Variants in XPR1 observed in about 807,000 individuals in gnomAD.
XPR1 encodes xenotropic and polytropic retrovirus receptor 1.
A neutral mutation model predicts 87.5 loss-of-function variants in XPR1; 28 were observed. The ratio of observed to expected loss-of-function variants is 0.32; its 90% CI spans 0.24 to 0.44. XPR1 has a LOEUF of 0.44. XPR1 is among the 20% of genes least tolerant of loss of function. The pLI, the probability that XPR1 is intolerant of heterozygous loss-of-function variation, is 1.00. For synonymous variants in XPR1, 300 were observed against 306.1 expected (o/e 0.98, Z 0.21); for missense variants, 559 against 862.3 (o/e 0.65, Z 4.41).
intron 2 of XPR1, among the ~76,000 whole-genome samples, chr1:180,777,627 C>A (rs1648773231): frequency 6.6e-6 from 1 of 152,098 alleles, no homozygotes; most frequent in African/African-American, 2.4e-5. Context: ...TCTTTGAAAT[C>A]TTTGCCATAT....
Position 180,806,525 on chromosome 1 carries a change from C to G in XPR1, c.649C>G (p.Arg217Gly), listed in dbSNP as rs779595941. The G allele has an allele frequency of 6.2e-7, 1 of 1,612,816 alleles. No individual in the cohort carries two copies. The highest frequency in any genetic ancestry group is 8.5e-7 in the Non-Finnish European group (1 of 1,179,198). ...EDGDRQKAMK[R>G]LRVPPLGAAQ... ...TGGTGACAGACAAAAGGCTATGAAGCGTTTACGTGTCCCCCCTTTGGGAGC... is the reference window on the plus strand; with the variant it reads ...TGGTGACAGACAAAAGGCTATGAAGGGTTTACGTGTCCCCCCTTTGGGAGC... The change falls in exon 6 of 15, where the codon CGT becomes GGT. Residue 217 changes from arginine (R) to glycine (G), a missense_variant. By Grantham distance (125) the Arg-to-Gly change is moderately radical. Around this residue, in one of 7 missense-constraint regions of XPR1, gnomAD observed 159 missense variants for 263.3 expected, o/e 0.60. Coordinates refer to ENST00000367590, the MANE Select transcript of XPR1 (RefSeq NM_004736.4).
intron 3 of XPR1, among the ~76,000 whole-genome samples, chr1:180,798,487 A>C (rs1342910075): frequency 1.3e-5 from 2 of 152,198 alleles, no homozygotes; most frequent in Non-Finnish European, 2.9e-5. Flanking sequence ...TTATTTTCCC[A>C]AGACCCGTTC....
At chr1:180,744,650 C>CTTTTTTTTTTTT (rs200044209) in intron 2 of XPR1, among the ~76,000 whole-genome samples, 3,420 of 56,210 alleles carry the variant, frequency 0.061, 225 homozygotes, top group Non-Finnish European at 0.082. Context: ...GGCACAATTT[C>CTTTTTTTTTTTT]TTTCTTTTTT....
intron 2 of XPR1, among the ~76,000 whole-genome samples, chr1:180,742,403 G>A (rs1389829424): frequency 2.0e-5 from 3 of 152,056 alleles, no homozygotes; most frequent in African/African-American, 7.2e-5. Context: ...ATATAGAAGT[G>A]TGTTGTTTAA....
intron 2 of XPR1, among the ~76,000 whole-genome samples, chr1:180,740,612 T>C (rs1307007031): frequency 6.6e-6 from 1 of 152,228 alleles, no homozygotes; most frequent in Non-Finnish European, 1.5e-5. Context: ...TATTGGTCTG[T>C]AGTTTCCTTT....
chr1:180,793,475 GT>G (rs1344958656), intron 3 of XPR1, among the ~76,000 whole-genome samples: 2 of 148,324 alleles, frequency 1.3e-5, no homozygotes, highest in East Asian at 1.9e-4. Flanking sequence ...TTAATGGCTG[GT>G]TTTGTTCTTT....
In XPR1 at chr1:180,665,366, G is replaced by A. The variant is rs187556743; in HGVS notation, c.70-16994G>A. 1.4e-3 allele frequency among the ~76,000 whole-genome samples: 207 copies of A among 152,250 alleles called. 3 individuals carry two copies. The highest frequency in any genetic ancestry group is 2.5e-4 in the Non-Finnish European group (17 of 68,020). On this transcript the variant is annotated intron_variant, in intron 1 of 14. Transcript: ENST00000367590. ...CAATTCAAGATGAGATTTTGGGTGGGGGACACAGCCAAACCATATTACCTC... is the reference window on the plus strand; with the variant it reads ...CAATTCAAGATGAGATTTTGGGTGGAGGACACAGCCAAACCATATTACCTC...
intron 1 of XPR1, among the ~76,000 whole-genome samples, chr1:180,664,710 G>C (rs1655900059): frequency 6.6e-6 from 1 of 152,178 alleles, no homozygotes; most frequent in Non-Finnish European, 1.5e-5. Context: ...ACAGCACAGG[G>C]TCCTGCCTAA....
rs1650364002 is a variant in XPR1, at chr1:180,815,207, T to C, written c.763+3719T>C. On this transcript the variant is annotated intron_variant, in intron 7 of 14. Transcript: ENST00000367590. ...TTAAAAAAAGACATAAAAAATACAT[T>C]TTTCCATTCTTTTTATGTGAATTAA... is the stretch of plus-strand genomic sequence containing the variant. Among the ~76,000 whole-genome samples the C allele has an allele frequency of 2.6e-5, 4 of 152,156 alleles. No homozygotes were observed. The South Asian group carries it at 8.3e-4, about 32-fold the overall frequency.
chr1:180,684,104 G>A (rs573393289), intron 2 of XPR1, among the ~76,000 whole-genome samples: 12 of 152,208 alleles, frequency 7.9e-5, no homozygotes, highest in South Asian at 4.1e-4. Flanking sequence ...TTTTAGGTCT[G>A]ACATTTAAGT....
intron 7 of XPR1, among the ~76,000 whole-genome samples, chr1:180,817,920 CACTT>C (rs1650470020): frequency 6.6e-6 from 1 of 151,060 alleles, no homozygotes; most frequent in Non-Finnish European, 1.5e-5. Flanking sequence ...ATGTATGTAA[CACTT>C]AAATTCAAAA....
chr1:180,882,390 G>A (rs543057975), intron 14 of XPR1, among the ~76,000 whole-genome samples: 7 of 152,194 alleles, frequency 4.6e-5, no homozygotes, highest in African/African-American at 1.4e-4. Flanking sequence ...ATCTCGCTCC[G>A]TTGCCCAGGT....
intron 2 of XPR1, among the ~76,000 whole-genome samples, chr1:180,704,952 CAG>C (rs112906793): frequency 0.043 from 6,452 of 148,916 alleles, 493 homozygotes; most frequent in African/African-American, 0.15. Flanking sequence ...TTTCATGGAA[CAG>C]AAATGCATGC....
chr1:180,755,254 T>C (rs1647688218), intron 2 of XPR1, among the ~76,000 whole-genome samples: 1 of 152,226 alleles, frequency 6.6e-6, no homozygotes, highest in South Asian at 2.1e-4. Flanking sequence ...CAGTTGTTGG[T>C]TTCTAAATAT....
At chr1:180,680,406 G>T (rs185919124) in intron 1 of XPR1, among the ~76,000 whole-genome samples, 3 of 120,788 alleles carry the variant, frequency 2.5e-5, no homozygotes, top group Non-Finnish European at 4.7e-5. Context: ...TCGCTCTGTC[G>T]CCAGACTGGG....
At chr1:180,692,104 G>A (rs560204407) in intron 2 of XPR1, among the ~76,000 whole-genome samples, 13 of 152,184 alleles carry the variant, frequency 8.5e-5, no homozygotes, top group Non-Finnish European at 1.6e-4. Context: ...GTTTATAATA[G>A]GCAGAGCTAT....
At chr1:180,859,566 A>T (rs888091281) in intron 11 of XPR1, among the ~76,000 whole-genome samples, 4 of 152,186 alleles carry the variant, frequency 2.6e-5, no homozygotes, top group African/African-American at 9.7e-5. Context: ...GGAGAGAGGC[A>T]TTCTTCACTT....
chr1:180,866,541 A>AG (rs386368884), intron 12 of XPR1, among the ~76,000 whole-genome samples: 5 of 58,228 alleles, frequency 8.6e-5, no homozygotes, highest in African/African-American at 2.2e-4. Flanking sequence ...CACATTGGTC[A>AG]TGGTGAATAG....
chr1:180,657,458 G>A (rs1033385167), intron 1 of XPR1, among the ~76,000 whole-genome samples: 2 of 152,172 alleles, frequency 1.3e-5, no homozygotes, highest in Middle Eastern at 3.4e-3. Flanking sequence ...ACTTTTATTT[G>A]ATTTTTGTAT....
Sources: allele counts gnomAD v4.1 joint callset (sites outside exome capture counted in the v4.1 genomes callset), GRCh38; gene constraint gnomAD v4.1.1; regional missense constraint gnomAD v4.1.1; transcripts MANE v1.5; gene names NCBI Gene and HGNC (gene_info 2026-07-23, HGNC 2026-07-21).